Variants in ITFG1 observed in about 807,000 individuals in gnomAD.
ITFG1 encodes integrin alpha FG-GAP repeat containing 1, also known as T-cell immunomodulatory protein.
Under a neutral mutation model 81.8 loss-of-function variants are expected in ITFG1, and 34 were observed. The ratio of observed to expected loss-of-function variants is 0.42; its 90% CI spans 0.32 to 0.55. ITFG1 has a LOEUF of 0.55. Among genes scored for constraint, ITFG1 ranks in the 20% least tolerant of loss-of-function variants. ITFG1 has a pLI of 0.17. For missense variants in ITFG1, 672 were observed against 755.4 expected (o/e 0.89, Z 1.29); for synonymous variants, 285 against 270.6 (o/e 1.05, Z -0.52).
intron 6 of ITFG1, among the ~76,000 whole-genome samples, chr16:47,416,826 T>TGTC (rs1263413850): frequency 6.6e-6 from 1 of 152,192 alleles, no homozygotes; most frequent in East Asian, 1.9e-4. Flanking sequence ...TACTTCTTTA[T>TGTC]GTCAACACAA....
rs929466578 is a variant in ITFG1 at position 47,277,879 on chromosome 16, A to T, written c.1071-17184T>A. 2.0e-5 allele frequency among the ~76,000 whole-genome samples: 3 copies of T among 152,222 alleles called. No homozygotes were observed. The South Asian group carries it at 6.2e-4, about 32-fold the overall frequency. On this transcript the variant is annotated intron_variant, in intron 10 of 17. Transcript: ENST00000320640. ...ATATGCCAGCACATACACTTATTTC[A>T]GCTATTATATTTGGGAGAGACAAGC...
At chr16:47,399,969 T>C (rs756074662) in intron 6 of ITFG1, among the ~76,000 whole-genome samples, 15 of 152,334 alleles carry the variant, frequency 9.8e-5, no homozygotes, top group South Asian at 4.1e-4. Flanking sequence ...CTAACCTTTA[T>C]GATACACTGA....
intron 10 of ITFG1, among the ~76,000 whole-genome samples, chr16:47,303,360 G>A (rs1410966828): frequency 6.6e-6 from 1 of 152,224 alleles, no homozygotes; most frequent in Non-Finnish European, 1.5e-5. Flanking sequence ...CTTTGCTTAT[G>A]AAGAAAGTGA....
intron 10 of ITFG1, among the ~76,000 whole-genome samples, chr16:47,281,765 CTT>C (rs916282624): frequency 6.6e-6 from 1 of 150,622 alleles, no homozygotes; most frequent in Non-Finnish European, 1.5e-5. Flanking sequence ...ACAATCCTCT[CTT>C]TTTTTTTGTC....
At chr16:47,246,131 A>G (rs1055578600) in intron 12 of ITFG1, among the ~76,000 whole-genome samples, 2 of 152,230 alleles carry the variant, frequency 1.3e-5, no homozygotes, top group Non-Finnish European at 2.9e-5. Context: ...CAATTCAAAA[A>G]TCATGTAATA....
At chr16:47,337,009 C>G (rs1029255309) in intron 8 of ITFG1, among the ~76,000 whole-genome samples, 2 of 149,560 alleles carry the variant, frequency 1.3e-5, no homozygotes, top group African/African-American at 4.9e-5. Context: ...GTGGCTCATG[C>G]CTGTGGGCAC....
chr16:47,297,622 GAC>G (rs1410798323), intron 10 of ITFG1, among the ~76,000 whole-genome samples: 2 of 148,336 alleles, frequency 1.3e-5, no homozygotes, highest in African/African-American at 4.9e-5. Flanking sequence ...ATTCCTGATT[GAC>G]AGTTTGCTTT....
chr16:47,392,538 G>A (rs1026610182), intron 6 of ITFG1, among the ~76,000 whole-genome samples: 1 of 152,140 alleles, frequency 6.6e-6, no homozygotes, highest in African/African-American at 2.4e-5. Flanking sequence ...TACACATTAT[G>A]GTATAGACTG....
chr16:47,190,550 T>A (rs1189478656), intron 14 of ITFG1, among the ~76,000 whole-genome samples: 1 of 152,216 alleles, frequency 6.6e-6, no homozygotes, highest in Non-Finnish European at 1.5e-5. Flanking sequence ...AGTGTCAGTA[T>A]GCATATTCTT....
intron 6 of ITFG1, among the ~76,000 whole-genome samples, chr16:47,406,793 C>A (rs1968735037): frequency 1.3e-5 from 2 of 152,006 alleles, no homozygotes; most frequent in South Asian, 2.1e-4. Flanking sequence ...AATATAGCGA[C>A]CCTCACTGAG....
intron 14 of ITFG1, among the ~76,000 whole-genome samples, chr16:47,186,560 G>C (rs1965220482): frequency 6.6e-6 from 1 of 152,242 alleles, no homozygotes; most frequent in East Asian, 1.9e-4. Flanking sequence ...AAATTCAACA[G>C]CCCTTCATGC....
chr16:47,283,949 G>A (rs1052855781), intron 10 of ITFG1, among the ~76,000 whole-genome samples: 2 of 152,142 alleles, frequency 1.3e-5, no homozygotes, highest in Non-Finnish European at 1.5e-5. Context: ...CTGATATTAA[G>A]GGTAAATCTT....
intron 8 of ITFG1, among the ~76,000 whole-genome samples, chr16:47,362,668 C>T (rs1052950554): frequency 5.3e-5 from 8 of 152,206 alleles, no homozygotes; most frequent in African/African-American, 1.9e-4. Flanking sequence ...TACAAAATCT[C>T]ACCACTTCCA....
intron 12 of ITFG1, among the ~76,000 whole-genome samples, chr16:47,242,809 G>A (rs1965950015): frequency 6.6e-6 from 1 of 152,134 alleles, no homozygotes; most frequent in East Asian, 1.9e-4. Flanking sequence ...GAATTAATCT[G>A]TGGTATTGGA....
intron 13 of ITFG1, among the ~76,000 whole-genome samples, chr16:47,228,560 C>G (rs963507493): frequency 2.6e-5 from 4 of 152,158 alleles, no homozygotes; most frequent in African/African-American, 9.7e-5. Flanking sequence ...CAGGATCTCA[C>G]TATGTTGCCC....
intron 14 of ITFG1, chr16:47,217,962 A>G (rs894879735): frequency 6.6e-6 from 1 of 152,298 alleles, no homozygotes; most frequent in East Asian, 1.9e-4. Context: ...GTGTTTGTCA[A>G]TTTCTCCTTG....
chr16:47,358,894 T>C (rs1968074059), intron 8 of ITFG1, among the ~76,000 whole-genome samples: 1 of 152,124 alleles, frequency 6.6e-6, no homozygotes. Flanking sequence ...GTAGAATGAA[T>C]ACCATGTCAG....
At chr16:47,278,366 G>T (rs891739753) in intron 10 of ITFG1, among the ~76,000 whole-genome samples, 7 of 152,208 alleles carry the variant, frequency 4.6e-5, no homozygotes, top group African/African-American at 1.7e-4. Flanking sequence ...GTGATTGGAA[G>T]ACGCCATTTA....
At chr16:47,428,293 G>A (rs370793149) in intron 6 of ITFG1, among the ~76,000 whole-genome samples, 13 of 152,308 alleles carry the variant, frequency 8.5e-5, no homozygotes, top group East Asian at 7.7e-4. Context: ...GGAGGAACTT[G>A]TAGGTGCATT....
Sources: gnomAD v4.1 joint callset for allele counts (sites outside exome capture counted in the v4.1 genomes callset) on GRCh38, gnomAD v4.1.1 for gene constraint, MANE v1.5 for transcripts, NCBI Gene and HGNC (gene_info 2026-07-23, HGNC 2026-07-21) for gene names.